The following CEP112 variants were observed in gnomAD, a reference collection of about 807,000 sequenced individuals.
The protein encoded by CEP112 is centrosomal protein 112.
A neutral mutation model predicts 153.0 loss-of-function variants in CEP112; 127 were observed. The observed-to-expected ratio is 0.83, with a 90% CI of 0.72 to 0.96. The LOEUF (loss-of-function observed/expected upper bound fraction) is 0.96, where lower values mean the gene tolerates loss of function less well. CEP112 is among the 40% of genes least tolerant of loss of function. CEP112 has a pLI of 0.00. For missense variants in CEP112, 1,089 were observed against 1,101.2 expected (o/e 0.99, Z 0.16); for synonymous variants, 358 against 374.4 (o/e 0.96, Z 0.51).
intron 4 of CEP112, among the ~76,000 whole-genome samples, chr17:66,152,309 AC>A (rs2071245517): frequency 6.6e-6 from 1 of 152,230 alleles, no homozygotes; most frequent in African/African-American, 2.4e-5. Flanking sequence ...AGAAAGCTAT[AC>A]CATCATCTTC....
rs537467795 is a variant in CEP112, at chr17:65,759,238, T to C, written c.2395-8514A>G. On this transcript the variant is annotated intron_variant, in intron 21 of 26. Transcript: ENST00000535342. The stretch of plus-strand genomic sequence containing the variant: ...TTAGCATGTAATCAAGAAATAACCA[T>C]AAAAGTGGGCAACCAGCAACCCTAG... Among the ~76,000 whole-genome samples, 20 of 152,286 alleles carry C rather than the reference T, an allele frequency of 1.3e-4. 1 individual carries two copies. The South Asian group carries it at 2.5e-3, about 19-fold the overall frequency.
chr17:65,659,054 T>C (rs1452637188), intron 24 of CEP112, among the ~76,000 whole-genome samples: 3 of 141,692 alleles, frequency 2.1e-5, no homozygotes, highest in Non-Finnish European at 4.6e-5. Context: ...TCAGACCATT[T>C]CTATCCCCTG....
chr17:66,042,024 T>C (rs1238564971), intron 12 of CEP112, among the ~76,000 whole-genome samples: 1 of 152,082 alleles, frequency 6.6e-6, no homozygotes, highest in Admixed American at 6.5e-5. Flanking sequence ...TGATCAAAAT[T>C]AATATGCACA....
intron 23 of CEP112, among the ~76,000 whole-genome samples, chr17:65,699,362 T>C (rs1230336308): frequency 2.0e-5 from 3 of 152,282 alleles, no homozygotes; most frequent in South Asian, 2.1e-4. Context: ...GATTTTTTTT[T>C]CCCCCTTAAG....
chr17:66,061,981 G>A (rs1190020973), intron 11 of CEP112, among the ~76,000 whole-genome samples: 1 of 152,074 alleles, frequency 6.6e-6, no homozygotes, highest in Admixed American at 6.5e-5. Flanking sequence ...TCATGATAGT[G>A]AGTGAGTTCT....
chr17:65,975,488 C>G (rs2063000633), intron 17 of CEP112, among the ~76,000 whole-genome samples: 1 of 152,046 alleles, frequency 6.6e-6, no homozygotes, highest in African/African-American at 2.4e-5. Flanking sequence ...ATGTATGTGT[C>G]TATATATTCA....
At chr17:65,727,349 T>C (rs541310548) in intron 23 of CEP112, among the ~76,000 whole-genome samples, 5 of 152,332 alleles carry the variant, frequency 3.3e-5, no homozygotes, top group African/African-American at 1.2e-4. Flanking sequence ...AGTTTTCCTA[T>C]TGATTTCCAA....
At chr17:66,059,543 A>G (rs1452210332) in intron 11 of CEP112, among the ~76,000 whole-genome samples, 1 of 152,244 alleles carries the variant, frequency 6.6e-6, no homozygotes, top group Non-Finnish European at 1.5e-5. Flanking sequence ...AAACATACGA[A>G]AAAATGTTCA....
At chr17:65,788,444 C>T (rs1462940377) in intron 21 of CEP112, among the ~76,000 whole-genome samples, 1 of 151,988 alleles carries the variant, frequency 6.6e-6, no homozygotes. Context: ...TTCTTTTTTT[C>T]CTGTCACAGA....
chr17:66,067,087 G>A (rs1459500988), intron 9 of CEP112, among the ~76,000 whole-genome samples: 2 of 151,064 alleles, frequency 1.3e-5, no homozygotes, highest in Non-Finnish European at 2.9e-5. Flanking sequence ...CAGCTTTACT[G>A]TCTGCTGTTT....
At chr17:65,805,493 C>G (rs2055545120) in intron 21 of CEP112, among the ~76,000 whole-genome samples, 2 of 152,148 alleles carry the variant, frequency 1.3e-5, no homozygotes, top group African/African-American at 2.4e-5. Context: ...TATGTGGTAT[C>G]AAAACATTCT....
intron 19 of CEP112, among the ~76,000 whole-genome samples, chr17:65,911,665 T>TA (rs1237061388): frequency 6.6e-6 from 1 of 152,192 alleles, no homozygotes; most frequent in East Asian, 1.9e-4. Flanking sequence ...CCTATCTCTA[T>TA]AAAAAATAAA....
At chr17:65,718,210 AGGCT>A (rs1162840297) in intron 23 of CEP112, among the ~76,000 whole-genome samples, 3 of 152,136 alleles carry the variant, frequency 2.0e-5, no homozygotes, top group African/African-American at 7.2e-5. Flanking sequence ...GTTCGAGACC[AGGCT>A]GGCCAACATG....
intron 23 of CEP112, among the ~76,000 whole-genome samples, chr17:65,696,145 T>C (rs1318682594): frequency 6.6e-6 from 1 of 152,210 alleles, no homozygotes; most frequent in East Asian, 1.9e-4. Flanking sequence ...AGAGTCGCAT[T>C]CTTGCCCCCT....
intron 4 of CEP112, among the ~76,000 whole-genome samples, chr17:66,140,379 G>A (rs1401796967): frequency 3.3e-5 from 5 of 152,116 alleles, no homozygotes; most frequent in Non-Finnish European, 7.4e-5. Context: ...AAGGCAAGAA[G>A]GCTCACTGTC....
At chr17:65,849,352 T>A (rs1383820290) in intron 21 of CEP112, among the ~76,000 whole-genome samples, 1 of 152,226 alleles carries the variant, frequency 6.6e-6, no homozygotes. Flanking sequence ...TATAGTTATC[T>A]GTGTAGTGTA....
At chr17:65,916,120 A>AT (rs1290145302) in intron 19 of CEP112, among the ~76,000 whole-genome samples, 1 of 152,200 alleles carries the variant, frequency 6.6e-6, no homozygotes, top group Non-Finnish European at 1.5e-5. Flanking sequence ...CTTATCTACA[A>AT]TAACACCTTG....
At chr17:66,144,707 A>G (rs761908537) in intron 4 of CEP112, among the ~76,000 whole-genome samples, 96 of 152,288 alleles carry the variant, frequency 6.3e-4, no homozygotes, top group Admixed American at 4.6e-4. Flanking sequence ...ACAAAACAAA[A>G]AAAAGGTTCA....
At position 65,995,414 on chromosome 17, in the gene CEP112, A is replaced by T. The variant is rs536772536; in HGVS notation, c.1736+10276T>A. The stretch of plus-strand genomic sequence containing the variant: ...TTTGATATAGGTGGGAAAATAGAAG[A>T]GGGTACACCTAGATGTTCTCCAGAT... On this transcript the variant is annotated intron_variant, in intron 17 of 26. Transcript: ENST00000535342. 4.6e-5 allele frequency among the ~76,000 whole-genome samples: 7 copies of T among 152,288 alleles called. No homozygotes were observed. In the East Asian group the frequency reaches 1.4e-3, roughly 29 times the overall value.
Sources: gnomAD v4.1 joint callset for allele counts (sites outside exome capture counted in the v4.1 genomes callset) on GRCh38, gnomAD v4.1.1 for gene constraint, MANE v1.5 for transcripts, NCBI Gene and HGNC (gene_info 2026-07-23, HGNC 2026-07-21) for gene names.